Variants in KNDC1 observed in about 807,000 individuals in gnomAD.
KNDC1 encodes the protein kinase non-catalytic C-lobe domain containing 1, also known as kinase non-catalytic C-lobe domain-containing protein 1.
A neutral mutation model predicts 172.8 loss-of-function variants in KNDC1; 106 were observed. The observed-to-expected ratio is 0.61, with a 90% CI of 0.52 to 0.72. The LOEUF is 0.72. Among genes scored for constraint, KNDC1 ranks in the 30% least tolerant of loss-of-function variants. KNDC1 has a pLI of 0.00. For missense variants in KNDC1, 2,325 were observed against 2,394.5 expected (o/e 0.97, Z 0.61); for synonymous variants, 1,083 against 1,062.2 (o/e 1.02, Z -0.38).
rs1427191519 is a variant in KNDC1 at position 133,225,697 on chromosome 10, T to TC, written c.*808dup. 6.6e-6 allele frequency: 1 copy of TC among 152,322 alleles called. No individual in the cohort carries two copies. Among genetic ancestry groups the TC allele is most frequent in the Admixed American group, 6.5e-5 (1 of 15,276 alleles). The allele number at this position is 152,322 out of a possible 1,614,324, so 9.4% of individuals were successfully genotyped here. On this transcript the variant is annotated 3_prime_UTR_variant, in exon 30 of 30. Transcript: ENST00000304613. ...GGGTCCCTGAGAGTGCCCCCACCCATCTCATGCCCCAGGGACCGCCACTGC... is the reference window on the plus strand; with the variant it reads ...GGGTCCCTGAGAGTGCCCCCACCCATCCTCATGCCCCAGGGACCGCCACTGC...
At position 133,200,455 on chromosome 10, in the gene KNDC1, G is replaced by A. The variant is rs201155087; in HGVS notation, c.2984G>A (p.Arg995His). ...TCCAGCAAGAGGCCGTCGCTGCACC[G>A]CCTGGGTAAGTGCTGGGCGGGCCCC... is the stretch of plus-strand genomic sequence containing the variant. ...SPSSKRPSLH[R>H]LGKEKPAMAR... Residue 995 changes from arginine to histidine, a missense_variant, in exon 16 of 30, where the codon CGC becomes CAC. Arg to His is a conservative substitution (Grantham distance 29). Transcript: ENST00000304613. The A allele has an allele frequency of 5.0e-5, 79 of 1,576,434 alleles. No individual in the cohort carries two copies. Among genetic ancestry groups the A allele is most frequent in the African/African-American group, 4.4e-4 (32 of 72,822 alleles).
chr10:133,168,956 C>T (rs1276267759), intron 3 of KNDC1, among the ~76,000 whole-genome samples: 15 of 152,336 alleles, frequency 9.8e-5, no homozygotes, highest in Middle Eastern at 3.4e-3. Flanking sequence ...TGGAGAGGGG[C>T]GGAATCACCC....
chr10:133,189,255 G>A (rs533656862), intron 7 of KNDC1, among the ~76,000 whole-genome samples: 21 of 152,324 alleles, frequency 1.4e-4, no homozygotes, highest in African/African-American at 4.6e-4. Context: ...CCGTGAGCCC[G>A]TGGCTGCCCC....
intron 9 of KNDC1, among the ~76,000 whole-genome samples, chr10:133,190,859 C>T (rs774662647): frequency 1.3e-5 from 2 of 152,182 alleles, no homozygotes; most frequent in Non-Finnish European, 2.9e-5. Context: ...GAGATTGTCT[C>T]AAACAAAAAC....
intron 17 of KNDC1, among the ~76,000 whole-genome samples, chr10:133,206,135 G>T (rs939187462): frequency 6.6e-6 from 1 of 152,234 alleles, no homozygotes; most frequent in African/African-American, 2.4e-5. Flanking sequence ...GGGAGGCAGA[G>T]GTTGTGGTGA....
chr10:133,194,732 G>A (rs954277605), intron 9 of KNDC1, among the ~76,000 whole-genome samples: 6 of 152,192 alleles, frequency 3.9e-5, no homozygotes, highest in Non-Finnish European at 5.9e-5. Context: ...AGCCACGTGG[G>A]AGTACTTACA....
intron 26 of KNDC1, among the ~76,000 whole-genome samples, chr10:133,218,527 TG>T (rs58882443): frequency 0.37 from 56,082 of 152,154 alleles, 11,911 homozygotes; most frequent in East Asian, 0.63. Flanking sequence ...TGAAGCTGCC[TG>T]GGGAGGTGCA....
At position 133,203,296 on chromosome 10, in the gene KNDC1, C is replaced by T. The variant is rs914884100; in HGVS notation, c.3387+1398C>T. Among the ~76,000 whole-genome samples the T allele has an allele frequency of 9.4e-4, 142 of 151,474 alleles. 1 individual carries two copies. Among genetic ancestry groups the T allele is most frequent in the Non-Finnish European group, 1.7e-3 (113 of 67,834 alleles). On this transcript the variant is annotated intron_variant, in intron 17 of 29. Coordinates refer to ENST00000304613, the MANE Select transcript of KNDC1 (RefSeq NM_152643.8). ...CGGCCCCCAAACTCACGGCGTCCAG[C>T]GGGGAGCACTCGGCCCCCAAACTCA... is the stretch of plus-strand genomic sequence containing the variant.
intron 4 of KNDC1, 56 bp from the exon 5 acceptor site, chr10:133,183,816 C>A: frequency 7.4e-7 from 1 of 1,359,618 alleles, no homozygotes; most frequent in Non-Finnish European, 1.0e-6. Context: ...GGGTGGGTGG[C>A]TGCGGGAGAT....
rs752204183 is a variant in KNDC1 at position 133,160,560 on chromosome 10, C to T, written c.93C>T (p.Pro31=). The T allele has an allele frequency of 2.5e-6, 4 of 1,575,882 alleles. No individual in the cohort carries two copies. The highest frequency in any genetic ancestry group is 2.3e-5 in the South Asian group (2 of 86,090). ...FYDFEPLPTL[P]EDEENVSLAD... is the part of the protein sequence containing the mutation. ...ACTTCGAGCCGCTGCCCACCCTCCC[C>T]GAGGACGAGGTGAGCCCCCGGCCCC... The change falls in exon 1 of 30, where the codon CCC becomes CCT. Residue 31 remains proline, a synonymous_variant. Transcript: ENST00000304613.
rs891424768 is a variant in KNDC1 at position 133,186,621 on chromosome 10, G to A, written c.1273G>A (p.Asp425Asn). The change falls in exon 6 of 30, where the codon GAT becomes AAT. Residue 425 changes from aspartate (D) to asparagine (N), a missense_variant. Coordinates refer to ENST00000304613, the MANE Select transcript of KNDC1 (RefSeq NM_152643.8). ...ASGEAQTPRD[D>N]ERIPEGARQL... ...CGGTGAAGCCCAGACTCCCAGGGAC[G>A]ATGAGAGAATTCCAGAAGGAGCTAG... The A allele has an allele frequency of 6.9e-6, 11 of 1,596,652 alleles. No individual in the cohort carries two copies. Among genetic ancestry groups the A allele is most frequent in the African/African-American group, 2.7e-5 (2 of 74,636 alleles).
chr10:133,206,768 G>C lies in KNDC1; in HGVS notation c.3471G>C (p.Lys1157Asn), dbSNP rs1299297185. 4 of 1,614,030 alleles carry C rather than the reference G, an allele frequency of 2.5e-6. No individual in the cohort carries two copies. The Admixed American group carries it at 6.7e-5, about 27-fold the overall frequency. The change falls in exon 18 of 30, where the codon AAG becomes AAC. Residue 1157 changes from lysine (K) to asparagine (N), a missense_variant. Physicochemically the swap from Lys to Asn is moderately conservative, Grantham distance 94 (BLOSUM62 0). Transcript: ENST00000304613. ...KFYQKLLQKE[K>N]RNKGSDVKTM... ...ACCAGAAACTCTTACAGAAGGAAAA[G>C]AGGAACAAAGGTAAGGCCCCTGTGG...
chr10:133,194,647 G>C (rs754475867), intron 9 of KNDC1, among the ~76,000 whole-genome samples: 1 of 152,164 alleles, frequency 6.6e-6, no homozygotes, highest in African/African-American at 2.4e-5. Context: ...GTGCCTGGAT[G>C]GGGGAGACTC....
chr10:133,209,104 GGT>G lies in KNDC1; in HGVS notation c.3795-1501_3795-1500del, dbSNP rs967071349. On this transcript the variant is annotated intron_variant, in intron 20 of 29. Coordinates refer to ENST00000304613, the MANE Select transcript of KNDC1 (RefSeq NM_152643.8). The surrounding 1 kb of genome is among the most constrained non-coding windows in gnomAD (Gnocchi z 4.9). ...ATGTGTGGCTTGCGTGCCCATGTATGGTGTGTGATGTGGAGTATTGTGTGGCG... is the reference window on the plus strand; with the variant it reads ...ATGTGTGGCTTGCGTGCCCATGTATGGTGTGATGTGGAGTATTGTGTGGCG... Among the ~76,000 whole-genome samples the G allele has an allele frequency of 6.6e-6, 1 of 151,496 alleles. No homozygotes were observed. Among genetic ancestry groups the G allele is most frequent in the African/African-American group, 2.4e-5 (1 of 41,176 alleles).
At chr10:133,169,233 G>T (rs1853291465) in intron 3 of KNDC1, among the ~76,000 whole-genome samples, 1 of 152,204 alleles carries the variant, frequency 6.6e-6, no homozygotes, top group African/African-American at 2.4e-5. Context: ...GGCTGAGGCG[G>T]GCAGATCGCT....
chr10:133,200,465 GTGCTGGGCGGGCCCCGCGGCAGGAGCTC>G lies in KNDC1; in HGVS notation c.2989+16_2989+43del, dbSNP rs1361855277. 1.9e-6 allele frequency: 3 copies of G among 1,546,608 alleles called. No individual in the cohort carries two copies. In the African/African-American group the frequency reaches 4.2e-5, roughly 22 times the overall value. The stretch of plus-strand genomic sequence containing the variant: ...GGCCGTCGCTGCACCGCCTGGGTAA[GTGCTGGGCGGGCCCCGCGGCAGGAGCTC>G]TGCTGGGCGGCTCCTCTGTGCTCTC... On this transcript the variant is annotated splice_donor_region_variant and intron_variant, in intron 16 of 29. Coordinates refer to ENST00000304613, the MANE Select transcript of KNDC1 (RefSeq NM_152643.8).
In KNDC1 at chr10:133,224,035, G is replaced by A. The variant is rs1845669824; in HGVS notation, c.5019-624G>A. 1.3e-5 allele frequency among the ~76,000 whole-genome samples: 2 copies of A among 151,820 alleles called. No homozygotes were observed. The highest frequency in any genetic ancestry group is 2.9e-5 in the Non-Finnish European group (2 of 67,944). On this transcript the variant is annotated intron_variant, in intron 29 of 29. Coordinates refer to ENST00000304613, the MANE Select transcript of KNDC1 (RefSeq NM_152643.8). The surrounding 1 kb of genome is among the most constrained non-coding windows in gnomAD (Gnocchi z 5.4). ...GGCATGCTCTTCCCGGCGTGTGTGT[G>A]TGTGAGAGCCCATCCAGGCTTGGCC...
chr10:133,169,608 C>T (rs553202902), intron 3 of KNDC1, among the ~76,000 whole-genome samples: 130 of 152,348 alleles, frequency 8.5e-4, no homozygotes, highest in African/African-American at 3.0e-3. Flanking sequence ...TTTAGTGCAC[C>T]CCAGCGTCCA....
chr10:133,186,594 A>G lies in KNDC1; in HGVS notation c.1246A>G (p.Ser416Gly), dbSNP rs1467222081. 3.1e-6 allele frequency: 5 copies of G among 1,603,596 alleles called. No individual in the cohort carries two copies. Among genetic ancestry groups the G allele is most frequent in the Non-Finnish European group, 4.2e-6 (5 of 1,179,772 alleles). ...GGCCCCTGCAGACCCTCGAGATGCT[A>G]GCGGTGAAGCCCAGACTCCCAGGGA... ...AEAPADPRDA[S>G]GEAQTPRDDE... Residue 416 changes from serine (S) to glycine (G), a missense_variant, in exon 6 of 30, where the codon AGC becomes GGC. Transcript: ENST00000304613.
Sources: gnomAD v4.1 joint callset for allele counts (sites outside exome capture counted in the v4.1 genomes callset) on GRCh38, gnomAD v4.1.1 for gene constraint, Gnocchi (gnomAD v3.1) non-coding constraint, MANE v1.5 for transcripts, NCBI Gene and HGNC (gene_info 2026-07-23, HGNC 2026-07-21) for gene names.